Variants in TMEM232 observed in about 807,000 individuals in gnomAD.
The protein encoded by TMEM232 is transmembrane protein 232.
A neutral mutation model predicts 78.8 loss-of-function variants in TMEM232; 80 were observed. The ratio of observed to expected loss-of-function variants is 1.01; its 90% CI spans 0.85 to 1.22. The LOEUF (loss-of-function observed/expected upper bound fraction) is 1.22. TMEM232 is among the 50% of genes most tolerant of loss of function. TMEM232 has a pLI of 0.00. For synonymous variants in TMEM232, 297 were observed against 254.3 expected (o/e 1.17, Z -1.60); for missense variants, 881 against 742.2 (o/e 1.19, Z -2.17).
chr5:110,406,909 G>T (rs1179944792), intron 2 of TMEM232, among the ~76,000 whole-genome samples: 1 of 152,030 alleles, frequency 6.6e-6, no homozygotes, highest in African/African-American at 2.4e-5. Flanking sequence ...AAGATAAGTT[G>T]CCATCTCTTT....
At chr5:110,465,626 A>G (rs1369570567) in intron 12 of TMEM232, among the ~76,000 whole-genome samples, 1 of 152,230 alleles carries the variant, frequency 6.6e-6, no homozygotes, top group Non-Finnish European at 1.5e-5. Flanking sequence ...AATTCCAAAA[A>G]TCTAACACAT....
chr5:110,658,429 C>T (rs900935912), intron 2 of TMEM232, among the ~76,000 whole-genome samples: 2 of 152,098 alleles, frequency 1.3e-5, no homozygotes, highest in Admixed American at 1.3e-4. Flanking sequence ...TGCAAGCCCT[C>T]CTTCTTGGTA....
At chr5:110,590,521 G>A (rs950964516) in intron 10 of TMEM232, among the ~76,000 whole-genome samples, 1 of 152,020 alleles carries the variant, frequency 6.6e-6, no homozygotes, top group Non-Finnish European at 1.5e-5. Context: ...AATGCCTGAT[G>A]ATCTGAGATG....
At chr5:110,405,299 G>T (rs1191517871) in intron 2 of TMEM232, among the ~76,000 whole-genome samples, 3 of 151,956 alleles carry the variant, frequency 2.0e-5, no homozygotes, top group Non-Finnish European at 2.9e-5. Context: ...AGGGGCAGTG[G>T]CTTGCATTCA....
chr5:110,727,387 G>A (rs1464821633), upstream of TMEM232, among the ~76,000 whole-genome samples: 3 of 152,124 alleles, frequency 2.0e-5, no homozygotes, highest in African/African-American at 7.2e-5. Flanking sequence ...CAAGGTGGGC[G>A]GATCACGAGG....
intron 11 of TMEM232, among the ~76,000 whole-genome samples, chr5:110,553,878 G>A (rs1774755571): frequency 6.6e-6 from 1 of 152,218 alleles, no homozygotes; most frequent in African/African-American, 2.4e-5. Flanking sequence ...TTATTTTGAG[G>A]TATGTGCTTC....
intron 2 of TMEM232, among the ~76,000 whole-genome samples, chr5:110,653,297 G>C (rs926695704): frequency 6.6e-6 from 1 of 152,172 alleles, no homozygotes; most frequent in African/African-American, 2.4e-5. Context: ...TAATCTGTGG[G>C]AGCTATAATT....
At chr5:110,530,624 C>A (rs1258520062) in intron 11 of TMEM232, among the ~76,000 whole-genome samples, 1 of 152,122 alleles carries the variant, frequency 6.6e-6, no homozygotes, top group Non-Finnish European at 1.5e-5. Flanking sequence ...ATAAACCAGG[C>A]ACAGAAAGAC....
intron 12 of TMEM232, among the ~76,000 whole-genome samples, chr5:110,513,262 A>G (rs1581015146): frequency 6.6e-6 from 1 of 152,182 alleles, no homozygotes; most frequent in Non-Finnish European, 1.5e-5. Flanking sequence ...TAGCACTTCA[A>G]TGTCAACAAA....
chr5:110,436,710 G>C (rs866736333), intron 12 of TMEM232, among the ~76,000 whole-genome samples: 1 of 152,166 alleles, frequency 6.6e-6, no homozygotes, highest in Non-Finnish European at 1.5e-5. Context: ...TTATTGAAGA[G>C]AGTGTCTTTT....
intron 12 of TMEM232, among the ~76,000 whole-genome samples, chr5:110,492,208 ATAAAAT>A (rs890427396): frequency 6.6e-6 from 1 of 151,872 alleles, no homozygotes; most frequent in Non-Finnish European, 1.5e-5. Flanking sequence ...TATAATAATA[ATAAAAT>A]TAAAAAAAGA....
At chr5:110,677,650 T>C (rs1319743011) in intron 1 of TMEM232, among the ~76,000 whole-genome samples, 2 of 152,198 alleles carry the variant, frequency 1.3e-5, no homozygotes, top group African/African-American at 4.8e-5. Context: ...CCAGAATCCA[T>C]TTCTTTCTTT....
At chr5:110,507,375 G>T (rs927050293) in intron 12 of TMEM232, among the ~76,000 whole-genome samples, 1 of 152,136 alleles carries the variant, frequency 6.6e-6, no homozygotes, top group Non-Finnish European at 1.5e-5. Context: ...ATGTGATGAT[G>T]ATTGCTGCTG....
chr5:110,520,926 A>G (rs1769411536), intron 12 of TMEM232, among the ~76,000 whole-genome samples: 1 of 151,982 alleles, frequency 6.6e-6, no homozygotes, highest in African/African-American at 2.4e-5. Context: ...TTCAAAAAAT[A>G]ATAATAGAAT....
intron 5 of TMEM232, among the ~76,000 whole-genome samples, chr5:110,634,077 CA>C (rs1230045055): frequency 6.6e-6 from 1 of 151,484 alleles, no homozygotes; most frequent in Admixed American, 6.6e-5. Flanking sequence ...GACTTTAAGT[CA>C]AAAAAGGTTT....
At chr5:110,631,105 C>T (rs1580429804) in intron 5 of TMEM232, among the ~76,000 whole-genome samples, 1 of 152,108 alleles carries the variant, frequency 6.6e-6, no homozygotes, top group African/African-American at 2.4e-5. Context: ...CTGACATTCC[C>T]CAGTGTCTAC....
chr5:110,600,619 G>A lies in TMEM232; in HGVS notation c.1276+4490C>T, dbSNP rs941617107. On this transcript the variant is annotated intron_variant, in intron 10 of 13. Coordinates refer to ENST00000455884, the MANE Select transcript of TMEM232 (RefSeq NM_001039763.4). ...CCTCCCAAGACTAAATCAGGAAGAA[G>A]TTGGATCTCTGAAGGGACAAATAAC... 3.0e-4 allele frequency among the ~76,000 whole-genome samples: 45 copies of A among 152,196 alleles called. 1 individual carries two copies. In the East Asian group the frequency reaches 8.7e-3, roughly 29 times the overall value.
Position 110,435,466 on chromosome 5 carries a change from G to C in TMEM232, c.1704-10550C>G, listed in dbSNP as rs192701012. The stretch of plus-strand genomic sequence containing the variant: ...TTATACATCCCCTCAAGCATTCCTT[G>C]GATTGTGTTAACAATTCAAATATGT... On this transcript the variant is annotated intron_variant, in intron 12 of 13. Coordinates refer to ENST00000455884, the MANE Select transcript of TMEM232 (RefSeq NM_001039763.4). 2.3e-4 allele frequency among the ~76,000 whole-genome samples: 35 copies of C among 150,190 alleles called. No individual in the cohort carries two copies. In the East Asian group the frequency reaches 3.7e-3, roughly 16 times the overall value.
chr5:110,665,133 T>G (rs958482684), intron 2 of TMEM232, among the ~76,000 whole-genome samples: 1 of 152,166 alleles, frequency 6.6e-6, no homozygotes, highest in Non-Finnish European at 1.5e-5. Flanking sequence ...TACCATTATA[T>G]TTTTCTAAGT....
Sources: allele counts gnomAD v4.1 joint callset (sites outside exome capture counted in the v4.1 genomes callset), GRCh38; gene constraint gnomAD v4.1.1; transcripts MANE v1.5; gene names NCBI Gene and HGNC (gene_info 2026-07-23, HGNC 2026-07-21).